SGPP2: variants seen among roughly 807,000 people sequenced by gnomAD.
SGPP2 encodes the protein sphingosine 1-phosphate phosphohydrolase 2.
A neutral mutation model predicts 33.9 loss-of-function variants in SGPP2; 30 were observed. The observed-to-expected ratio is 0.89, with a 90% confidence interval of 0.66 to 1.20. The LOEUF is 1.20. SGPP2 is among the 50% of genes most tolerant of loss of function. The pLI is 0.00. For missense variants in SGPP2, 458 were observed against 532.1 expected, an observed-to-expected ratio of 0.86 and a Z score of 1.37; for synonymous variants, 233 against 225.0, an observed-to-expected ratio of 1.04 and a Z score of -0.32.
At chr2:222,467,950 G>GGAAAAAAA (rs1697772293) in intron 1 of SGPP2, among the ~76,000 whole-genome samples, 1 of 24,854 alleles carries the variant, frequency 4.0e-5, no homozygotes, top group Non-Finnish European at 1.8e-4. Context: ...GCTCTAATCT[G>GGAAAAAAA]AAAAAAAAAA....
In SGPP2 at chr2:222,561,666, A is replaced by G. The variant is rs1689544258; in HGVS notation, c.*2768A>G. Among the ~76,000 whole-genome samples the G allele has an allele frequency of 6.6e-6, 1 of 152,054 alleles. No homozygotes were observed. The highest frequency in any genetic ancestry group is 2.4e-5 in the African/African-American group (1 of 41,414). On this transcript the variant is annotated 3_prime_UTR_variant, in exon 5 of 5. Coordinates refer to ENST00000321276, the MANE Select transcript of SGPP2 (RefSeq NM_152386.4). ...TAACTAATTTGGGCTGAGGATGAATATATCAGCCACAGCACATTAAAGAAT... is the reference window on the plus strand; with the variant it reads ...TAACTAATTTGGGCTGAGGATGAATGTATCAGCCACAGCACATTAAAGAAT...
At chr2:222,478,999 T>G (rs1199069064) in intron 2 of SGPP2, among the ~76,000 whole-genome samples, 1 of 152,240 alleles carries the variant, frequency 6.6e-6, no homozygotes, top group Non-Finnish European at 1.5e-5. Flanking sequence ...TATATGCCAT[T>G]CGCTGTCAGA....
chr2:222,456,026 C>T (rs923933757), intron 1 of SGPP2, among the ~76,000 whole-genome samples: 5 of 152,152 alleles, frequency 3.3e-5, no homozygotes, highest in African/African-American at 1.2e-4. Flanking sequence ...CTATGGTGAG[C>T]TATGACTGTG....
intron 4 of SGPP2, among the ~76,000 whole-genome samples, chr2:222,548,828 T>C (rs921104704): frequency 7.2e-5 from 11 of 152,258 alleles, no homozygotes; most frequent in Admixed American, 6.5e-4. Context: ...TCCTTGTGAT[T>C]TGGCTGCTAT....
At chr2:222,511,844 G>A (rs1252343257) in intron 2 of SGPP2, among the ~76,000 whole-genome samples, 1 of 151,798 alleles carries the variant, frequency 6.6e-6, no homozygotes. Flanking sequence ...CACCCGGAAA[G>A]TTTTTGTATT....
At position 222,460,066 on chromosome 2, in the gene SGPP2, G is replaced by A. The variant is rs1697635781; in HGVS notation, c.220-14502G>A. On this transcript the variant is annotated intron_variant, in intron 1 of 4. Transcript: ENST00000321276. This position sits in a 1 kb window ranked among gnomAD's most constrained non-coding sequence, Gnocchi z 4.3. ...CAGGAATCTGAAGCGCGCGGCCCTC[G>A]GTGACGGGGCTCAGTCAAAACCCAG... is the stretch of plus-strand genomic sequence containing the variant. Among the ~76,000 whole-genome samples, 1 of 152,198 alleles carries A rather than the reference G, an allele frequency of 6.6e-6. No homozygotes were observed. Among genetic ancestry groups the A allele is most frequent in the Admixed American group, 6.5e-5 (1 of 15,276 alleles).
At chr2:222,556,028 G>T (rs1689392496) in intron 4 of SGPP2, among the ~76,000 whole-genome samples, 1 of 152,174 alleles carries the variant, frequency 6.6e-6, no homozygotes, top group Admixed American at 6.5e-5. Context: ...GAACCTCATG[G>T]ATCCCCAAGG....
At chr2:222,541,343 C>T (rs1427793059) in intron 4 of SGPP2, among the ~76,000 whole-genome samples, 1 of 152,166 alleles carries the variant, frequency 6.6e-6, no homozygotes, top group African/African-American at 2.4e-5. Flanking sequence ...GCAAGAGTAT[C>T]TCAAGACATG....
intron 4 of SGPP2, among the ~76,000 whole-genome samples, chr2:222,534,590 T>C (rs1698886418): frequency 6.6e-6 from 1 of 152,222 alleles, no homozygotes; most frequent in South Asian, 2.1e-4. Flanking sequence ...TGTTGTATTT[T>C]TTCATGTTGT....
intron 1 of SGPP2, among the ~76,000 whole-genome samples, chr2:222,455,197 C>T (rs1001008396): frequency 1.4e-5 from 2 of 145,196 alleles, no homozygotes; most frequent in Non-Finnish European, 3.0e-5. Flanking sequence ...TAGTGAGACC[C>T]CCCACCACTC....
rs866765989 is a variant in SGPP2, at chr2:222,467,974, A to C, written c.220-6594A>C. On this transcript the variant is annotated intron_variant, in intron 1 of 4. Transcript: ENST00000321276. ...TGAAAAAAAAAAAAAAAAAAAAAAA[A>C]AAAAAAAAAAAAAACAGAGGAAGTA... is the stretch of plus-strand genomic sequence containing the variant. 8.8e-4 allele frequency among the ~76,000 whole-genome samples: 120 copies of C among 135,848 alleles called. No individual in the cohort carries two copies. In the Middle Eastern group the frequency reaches 0.021, roughly 24 times the overall value. The allele number at this position is 135,848 out of a possible 152,430, so 89.1% of individuals were successfully genotyped here.
chr2:222,431,311 C>G (rs185293168), intron 1 of SGPP2, among the ~76,000 whole-genome samples: 246 of 152,174 alleles, frequency 1.6e-3, no homozygotes, highest in African/African-American at 5.7e-3. Context: ...TCAAGACCAG[C>G]CTAGCCAACA....
intron 4 of SGPP2, among the ~76,000 whole-genome samples, chr2:222,546,293 G>C (rs1245542885): frequency 1.3e-5 from 2 of 152,054 alleles, no homozygotes; most frequent in Admixed American, 1.3e-4. Context: ...GAAAGCAAAG[G>C]GTCACCCAAC....
intron 1 of SGPP2, among the ~76,000 whole-genome samples, chr2:222,471,677 A>G (rs1161293971): frequency 6.6e-6 from 1 of 152,202 alleles, no homozygotes; most frequent in Non-Finnish European, 1.5e-5. Context: ...ATCCCCCGGG[A>G]TTCCAGAACC....
At chr2:222,520,575 T>C (rs1359015202) in intron 2 of SGPP2, among the ~76,000 whole-genome samples, 6 of 152,046 alleles carry the variant, frequency 3.9e-5, no homozygotes, top group Admixed American at 3.3e-4. Context: ...TACAAAAATA[T>C]AAAAATCAGC....
chr2:222,502,738 A>T (rs943821772), intron 2 of SGPP2, among the ~76,000 whole-genome samples: 1 of 152,226 alleles, frequency 6.6e-6, no homozygotes, highest in African/African-American at 2.4e-5. Context: ...TATTATCAAT[A>T]CACCATGCTG....
chr2:222,431,513 C>A (rs944057988), intron 1 of SGPP2, among the ~76,000 whole-genome samples: 1 of 152,006 alleles, frequency 6.6e-6, no homozygotes, highest in South Asian at 2.1e-4. Flanking sequence ...CCCCGCCCCC[C>A]GCTCGAAGTC....
At position 222,460,480 on chromosome 2, in the gene SGPP2, A is replaced by G. The variant is rs1697642156; in HGVS notation, c.220-14088A>G. ...TGACTTCTCCTTAAGATACATTTGA[A>G]TCTGAAAAACAATGCAAAATTACTT... is the stretch of plus-strand genomic sequence containing the variant. On this transcript the variant is annotated intron_variant, in intron 1 of 4. Coordinates refer to ENST00000321276, the MANE Select transcript of SGPP2 (RefSeq NM_152386.4). This position sits in a 1 kb window ranked among gnomAD's most constrained non-coding sequence, Gnocchi z 4.3. Among the ~76,000 whole-genome samples the G allele has an allele frequency of 6.6e-6, 1 of 152,184 alleles. No individual in the cohort carries two copies. Among genetic ancestry groups the G allele is most frequent in the Non-Finnish European group, 1.5e-5 (1 of 68,036 alleles).
intron 1 of SGPP2, among the ~76,000 whole-genome samples, chr2:222,467,180 C>T (rs1697758824): frequency 6.6e-6 from 1 of 152,204 alleles, no homozygotes; most frequent in Admixed American, 6.5e-5. Context: ...TCAACATCAC[C>T]TGCGCTCCTG....
Sources: allele counts gnomAD v4.1 joint callset (sites outside exome capture counted in the v4.1 genomes callset), GRCh38; gene constraint gnomAD v4.1.1; non-coding constraint Gnocchi (gnomAD v3.1); transcripts MANE v1.5; gene names NCBI Gene and HGNC (gene_info 2026-07-23, HGNC 2026-07-21).